Variants in SCUBE1 observed in about 807,000 individuals in gnomAD.
SCUBE1 encodes the protein signal peptide, CUB and EGF-like domain-containing protein 1.
SCUBE1 carries 59 observed loss-of-function variants against 124.4 expected under a neutral mutation model. The ratio of observed to expected loss-of-function variants is 0.47; its 90% CI spans 0.38 to 0.59. The LOEUF (loss-of-function observed/expected upper bound fraction) is 0.59. Among genes scored for constraint, SCUBE1 ranks in the 20% least tolerant of loss-of-function variants. The probability of loss-of-function intolerance (pLI) is 0.00; values close to 1 mark genes in which losing one functional copy is unlikely to be tolerated. For missense variants in SCUBE1, 1,150 were observed against 1,371.2 expected (o/e 0.84, Z 2.55); for synonymous variants, 545 against 550.9 (o/e 0.99, Z 0.15).
chr22:43,273,192 G>A (rs910246822), intron 4 of SCUBE1, among the ~76,000 whole-genome samples: 3 of 152,338 alleles, frequency 2.0e-5, no homozygotes, highest in East Asian at 1.9e-4. Context: ...TGGCAGGCAC[G>A]CACTGTGTAC....
rs1235176311 is a variant in SCUBE1, at chr22:43,202,474, C to T, written c.*1523G>A. 2 of 152,238 alleles carry T rather than the reference C, an allele frequency of 1.3e-5. No individual in the cohort carries two copies. Among genetic ancestry groups the T allele is most frequent in the African/African-American group, 4.8e-5 (2 of 41,450 alleles). The allele number at this position is 152,238 out of a possible 1,614,324, so 9.4% of individuals were successfully genotyped here. ...CCATGCAGGTCCTACAGCTCGCAGG[C>T]AGATGAAGAGCAGGCAAGGCCTCCT... is the stretch of plus-strand genomic sequence containing the variant. On this transcript the variant is annotated 3_prime_UTR_variant, in exon 22 of 22. Coordinates refer to ENST00000360835, the MANE Select transcript of SCUBE1 (RefSeq NM_173050.5).
chr22:43,223,085 G>A lies in SCUBE1; in HGVS notation c.1327+12C>T, dbSNP rs775380685. 1.2e-5 allele frequency: 18 copies of A among 1,523,806 alleles called. No homozygotes were observed. The East Asian group carries it at 1.4e-4, about 12-fold the overall frequency. 94.4% of individuals were successfully genotyped at this position (1,523,806 alleles called of 1,614,324 possible). The stretch of plus-strand genomic sequence containing the variant: ...TGCCACAGCATCCCATCTCAGGGAC[G>A]GCCCGGGTTACCTGGCACGAAGAGT... On this transcript the variant is annotated intron_variant, in intron 11 of 21. Transcript: ENST00000360835.
At chr22:43,340,195 C>T (rs1160954707) in intron 1 of SCUBE1, among the ~76,000 whole-genome samples, 1 of 151,966 alleles carries the variant, frequency 6.6e-6, no homozygotes, top group Non-Finnish European at 1.5e-5. Context: ...ACCAAAGTGT[C>T]TGGTGGCAGA....
rs560983192 is a variant in SCUBE1 at position 43,252,599 on chromosome 22, G to A, written c.727+5620C>T. ...GCCTGTCCTACCCTTCTCCCCTCCC[G>A]GAACCCCGAAAGGGGCTCAGGCTGC... is the stretch of plus-strand genomic sequence containing the variant. On this transcript the variant is annotated intron_variant, in intron 6 of 21. Transcript: ENST00000360835. 4.7e-4 allele frequency among the ~76,000 whole-genome samples: 71 copies of A among 152,210 alleles called. 1 individual carries two copies. Among genetic ancestry groups the A allele is most frequent in the African/African-American group, 1.5e-3 (61 of 41,534 alleles).
In SCUBE1 at chr22:43,258,462, C is replaced by T. The variant is rs1923750217; in HGVS notation, c.611-127G>A. 1 of 726,098 alleles carries T rather than the reference C, an allele frequency of 1.4e-6. No individual in the cohort carries two copies. The highest frequency in any genetic ancestry group is 1.7e-5 in the African/African-American group (1 of 57,968). The allele number at this position is 726,098 out of a possible 1,614,324, so 45.0% of individuals were successfully genotyped here. A position where few individuals can be genotyped will look rare whatever the true frequency, so the allele number is the denominator to read the frequency against. ...GCCTAAGGGCATCAGTGGGTAGGGT[C>T]ATGAGGCTCGCCGGGCAACGGGGGA... On this transcript the variant is annotated intron_variant, in intron 5 of 21. Transcript: ENST00000360835. This position sits in a 1 kb window ranked among gnomAD's most constrained non-coding sequence, Gnocchi z 5.0.
chr22:43,327,966 GTCT>G (rs1170272299), intron 2 of SCUBE1, among the ~76,000 whole-genome samples: 3 of 152,146 alleles, frequency 2.0e-5, no homozygotes, highest in Non-Finnish European at 2.9e-5. Flanking sequence ...AATGCTGTCG[GTCT>G]TCTTCTCCTC....
intron 6 of SCUBE1, among the ~76,000 whole-genome samples, chr22:43,247,654 T>C (rs1166324278): frequency 1.3e-5 from 2 of 152,186 alleles, no homozygotes; most frequent in African/African-American, 2.4e-5. Flanking sequence ...GGCCCGCCCT[T>C]AGCTGGATCC....
intron 2 of SCUBE1, 97 bp downstream of exon 2, chr22:43,339,007 G>T: frequency 1.4e-6 from 2 of 1,385,824 alleles, no homozygotes; most frequent in Non-Finnish European, 2.0e-6. Flanking sequence ...GGTGCTGGAG[G>T]CTCAGCCCCA....
chr22:43,280,391 TC>T (rs562474951), intron 4 of SCUBE1, among the ~76,000 whole-genome samples: 15 of 103,576 alleles, frequency 1.4e-4, no homozygotes, highest in Admixed American at 3.0e-4. Context: ...CCCTCACCCA[TC>T]CCCCGTCCCT....
intron 4 of SCUBE1, among the ~76,000 whole-genome samples, chr22:43,287,644 C>T (rs773788200): frequency 2.6e-5 from 4 of 152,196 alleles, no homozygotes; most frequent in South Asian, 2.1e-4. Context: ...TGCTTTTCTC[C>T]CTGTTCAGGG....
intron 1 of SCUBE1, among the ~76,000 whole-genome samples, chr22:43,340,976 C>T (rs1456417945): frequency 6.6e-6 from 1 of 152,128 alleles, no homozygotes; most frequent in African/African-American, 2.4e-5. Context: ...CCTATGAGAT[C>T]CATGCCCCCC....
intron 21 of SCUBE1, among the ~76,000 whole-genome samples, chr22:43,205,644 C>G (rs1921201875): frequency 6.9e-6 from 1 of 145,706 alleles, no homozygotes; most frequent in South Asian, 2.2e-4. Context: ...ACTCACCACA[C>G]ACTCACCCCC....
chr22:43,233,047 T>C (rs56307750), intron 7 of SCUBE1, among the ~76,000 whole-genome samples: 36,994 of 152,166 alleles, frequency 0.24, 5,112 homozygotes, highest in Middle Eastern at 0.33. Context: ...GTTTTATTTC[T>C]ACACTGCAGG....
rs561596126 is a variant in SCUBE1 at position 43,240,071 on chromosome 22, G to A, written c.728-1117C>T. ...TTCCTTTGAACTTCACCTTGTAGGC[G>A]TGTGCAGGGGGAGAGGGGAACCTCA... On this transcript the variant is annotated intron_variant, in intron 6 of 21. Transcript: ENST00000360835. Among the ~76,000 whole-genome samples the A allele has an allele frequency of 9.9e-5, 15 of 152,232 alleles. No individual in the cohort carries two copies. In the East Asian group the frequency reaches 1.2e-3, roughly 12 times the overall value.
chr22:43,266,051 AGATTGCG>A (rs1430711239), intron 4 of SCUBE1, among the ~76,000 whole-genome samples: 1 of 152,142 alleles, frequency 6.6e-6, no homozygotes, highest in East Asian at 1.9e-4. Flanking sequence ...CAGTGAGCTG[AGATTGCG>A]CCATTGCACT....
intron 16 of SCUBE1, among the ~76,000 whole-genome samples, chr22:43,213,887 C>T (rs896833352): frequency 6.6e-5 from 10 of 152,270 alleles, no homozygotes; most frequent in African/African-American, 1.2e-4. Context: ...GGACTGCTGA[C>T]GCTTTGGGAT....
At chr22:43,233,776 A>T (rs2146681163) in intron 7 of SCUBE1, among the ~76,000 whole-genome samples, 1 of 152,272 alleles carries the variant, frequency 6.6e-6, no homozygotes, top group Admixed American at 6.5e-5. Context: ...CCAAAGTCCT[A>T]AAGCAGTGTT....
chr22:43,254,788 GAGA>G (rs1923593818), intron 6 of SCUBE1, among the ~76,000 whole-genome samples: 1 of 152,248 alleles, frequency 6.6e-6, no homozygotes, highest in African/African-American at 2.4e-5. Flanking sequence ...CCGACTGATA[GAGA>G]AGAACGAGTA....
chr22:43,235,025 C>G (rs890341822), intron 7 of SCUBE1, among the ~76,000 whole-genome samples: 10 of 152,232 alleles, frequency 6.6e-5, no homozygotes, highest in Non-Finnish European at 1.3e-4. Flanking sequence ...GTAGCTCCCT[C>G]TTCATGGGAG....
Sources: gnomAD v4.1 joint callset for allele counts (sites outside exome capture counted in the v4.1 genomes callset) on GRCh38, gnomAD v4.1.1 for gene constraint, Gnocchi (gnomAD v3.1) non-coding constraint, MANE v1.5 for transcripts, NCBI Gene and HGNC (gene_info 2026-07-23, HGNC 2026-07-21) for gene names.